Variants in PEX3 observed in about 807,000 individuals in gnomAD.
The protein encoded by PEX3 is peroxin-3.
In PEX3, 30 loss-of-function variants were observed where a neutral mutation model predicts 55.8. That is an observed-to-expected ratio of 0.54 (90% CI 0.40 to 0.73). The LOEUF (loss-of-function observed/expected upper bound fraction) is 0.73, where lower values mean the gene tolerates loss of function less well. PEX3 is among the 30% of genes least tolerant of loss of function. The pLI is 0.00. For missense variants in PEX3, 351 were observed against 432.8 expected (o/e 0.81, Z 1.68); for synonymous variants, 135 against 148.4 (o/e 0.91, Z 0.66).
intron 1 of PEX3, among the ~76,000 whole-genome samples, chr6:143,452,765 G>A (rs1457831744): frequency 6.6e-6 from 1 of 152,120 alleles, no homozygotes; most frequent in Non-Finnish European, 1.5e-5. Flanking sequence ...TTCTGCTTCA[G>A]GGAGAAAGTT....
At chr6:143,461,566 G>T (rs1224710167) in intron 2 of PEX3, among the ~76,000 whole-genome samples, 1 of 146,006 alleles carries the variant, frequency 6.8e-6, no homozygotes, top group East Asian at 2.0e-4. Flanking sequence ...TGGATAAGAT[G>T]TAATTGATAT....
intron 8 of PEX3, among the ~76,000 whole-genome samples, chr6:143,472,696 T>C (rs1780091792): frequency 6.6e-6 from 1 of 152,170 alleles, no homozygotes; most frequent in African/African-American, 2.4e-5. Context: ...AACATAGAGC[T>C]GAAGGTCAGG....
intron 7 of PEX3, 24 bp from the exon 8 acceptor site, chr6:143,472,136 C>T (rs775605815): frequency 2.6e-6 from 4 of 1,530,004 alleles, no homozygotes; most frequent in Non-Finnish European, 3.6e-6. Context: ...CTATTTATCC[C>T]AATTCCCTTT....
chr6:143,471,600 G>A lies in PEX3; in HGVS notation c.567G>A (p.Lys189=). ...CTGTCATTAAACAAGCTGTGCAGAAGGTTTTAGGAAGGTAAGGCATTTTTC... is the reference window on the plus strand; with the variant it reads ...CTGTCATTAAACAAGCTGTGCAGAAAGTTTTAGGAAGGTAAGGCATTTTTC... The part of the protein sequence containing the change: ...LITVIKQAVQ[K]VLGSVSLKHS... The change falls in exon 7 of 12, where the codon AAG becomes AAA. Residue 189 remains lysine (K), a synonymous_variant. Coordinates refer to ENST00000367591, the MANE Select transcript of PEX3 (RefSeq NM_003630.3). The surrounding 1 kb of genome is among the most constrained non-coding windows in gnomAD (Gnocchi z 5.4). 1.9e-6 allele frequency: 3 copies of A among 1,612,060 alleles called. No individual in the cohort carries two copies. The highest frequency in any genetic ancestry group is 2.5e-6 in the Non-Finnish European group (3 of 1,178,524).
At position 143,451,083 on chromosome 6, in the gene PEX3, A is replaced by G. The variant is rs200233798; in HGVS notation, c.41A>G (p.Lys14Arg). Residue 14 changes from lysine to arginine, a missense_variant, in exon 1 of 12, where the codon AAG (lysine) becomes AGG (arginine). Coordinates refer to ENST00000367591, the MANE Select transcript of PEX3 (RefSeq NM_003630.3). The surrounding 1 kb of genome is among the most constrained non-coding windows in gnomAD (Gnocchi z 4.1). ...TGGAATTTTCTGAAACGCCACAAAA[A>G]GAAATGCATCTTCCTGGGCACGGTC... ...SVWNFLKRHK[K>R]KCIFLGTVLG... 6.2e-7 allele frequency: 1 copy of G among 1,613,878 alleles called. No homozygotes were observed. The highest frequency in any genetic ancestry group is 2.2e-5 in the East Asian group (1 of 44,870).
intron 1 of PEX3, among the ~76,000 whole-genome samples, chr6:143,455,221 C>T (rs977293732): frequency 2.0e-5 from 3 of 150,430 alleles, no homozygotes; most frequent in Middle Eastern, 3.5e-3. Context: ...GAGACGGAGT[C>T]TTGCTCTGTC....
Position 143,485,171 on chromosome 6 carries a change from C to T in PEX3, c.961C>T (p.Pro321Ser). 1 of 1,599,238 alleles carries T rather than the reference C, an allele frequency of 6.3e-7. No homozygotes were observed. The highest frequency in any genetic ancestry group is 8.6e-7 in the Non-Finnish European group (1 of 1,166,802). The change falls in exon 11 of 12, where the codon CCT (proline) becomes TCT (serine). Residue 321 changes from proline to serine, a missense_variant. Physicochemically the swap from Pro to Ser is moderately conservative, Grantham distance 74 (BLOSUM62 -1). Transcript: ENST00000367591. The surrounding 1 kb of genome is among the most constrained non-coding windows in gnomAD (Gnocchi z 5.6). ...SMNSLSSVSL[P>S]LAKIIPIVNG... ...TTTCAGTCTTTCCAGTGTCAGCCTGCCTTTAGCTAAGATAATTCCAATAGT... is the reference window on the plus strand; with the variant it reads ...TTTCAGTCTTTCCAGTGTCAGCCTGTCTTTAGCTAAGATAATTCCAATAGT...
In PEX3 at chr6:143,485,685, T is replaced by C. The variant is rs1196818714; in HGVS notation, c.1038+437T>C. 6.6e-6 allele frequency among the ~76,000 whole-genome samples: 1 copy of C among 152,112 alleles called. No individual in the cohort carries two copies. The highest frequency in any genetic ancestry group is 1.9e-4 in the East Asian group (1 of 5,192). On this transcript the variant is annotated intron_variant, in intron 11 of 11. Transcript: ENST00000367591. The surrounding 1 kb of genome is among the most constrained non-coding windows in gnomAD (Gnocchi z 5.6). ...AACAGTTAATAGTGCATCAATAATA[T>C]GCTCACTAAAAGCCACATAAACAGT... is the stretch of plus-strand genomic sequence containing the variant.
intron 3 of PEX3, among the ~76,000 whole-genome samples, chr6:143,467,461 C>T (rs1780007980): frequency 1.3e-5 from 2 of 152,144 alleles, no homozygotes; most frequent in South Asian, 2.1e-4. Context: ...GAACATTCTG[C>T]ATCGAAGGTT....
intron 1 of PEX3, among the ~76,000 whole-genome samples, chr6:143,457,859 A>G (rs779111357): frequency 4.6e-5 from 7 of 152,226 alleles, no homozygotes; most frequent in Non-Finnish European, 7.3e-5. Flanking sequence ...AAAATGCAAC[A>G]ATATTCTAGC....
intron 1 of PEX3, among the ~76,000 whole-genome samples, chr6:143,455,404 A>G (rs1233821307): frequency 9.4e-6 from 1 of 106,734 alleles, no homozygotes; most frequent in African/African-American, 3.8e-5. Flanking sequence ...TTTAGTAGAG[A>G]CGGGGTTTCA....
At chr6:143,455,786 G>A (rs1218034813) in intron 1 of PEX3, among the ~76,000 whole-genome samples, 1 of 152,204 alleles carries the variant, frequency 6.6e-6, no homozygotes, top group Admixed American at 6.5e-5. Context: ...AGTGGTGACA[G>A]TGATAAAGAA....
At position 143,471,402 on chromosome 6, in the gene PEX3, A is replaced by C. The variant is rs776843928; in HGVS notation, c.476A>C (p.Asp159Ala). 1.9e-6 allele frequency: 3 copies of C among 1,608,088 alleles called. No homozygotes were observed. The highest frequency in any genetic ancestry group is 2.6e-6 in the Non-Finnish European group (3 of 1,175,014). The change falls in exon 6 of 12, where the codon GAT (aspartate) becomes GCT (alanine). Residue 159 changes from aspartate to alanine, a missense_variant. Asp to Ala is a moderately radical substitution (Grantham distance 126). Coordinates refer to ENST00000367591, the MANE Select transcript of PEX3 (RefSeq NM_003630.3). The surrounding 1 kb of genome is among the most constrained non-coding windows in gnomAD (Gnocchi z 5.4). Reference protein sequence around the residue: ...KNGTTILAPPDVQQQYLSSIQ... With the variant: ...KNGTTILAPPAVQQQYLSSIQ... ...ATACAGACAATTCTTGCTCCCCCAG[A>C]TGTCCAACAGCAGTATTTATCAAGT... is the stretch of plus-strand genomic sequence containing the variant.
At position 143,464,753 on chromosome 6, in the gene PEX3, A is replaced by G. The variant is rs904227681; in HGVS notation, c.287+1756A>G. Among the ~76,000 whole-genome samples, 7 of 151,906 alleles carry G rather than the reference A, an allele frequency of 4.6e-5. No homozygotes were observed. Among genetic ancestry groups the G allele is most frequent in the African/African-American group, 1.7e-4 (7 of 41,436 alleles). On this transcript the variant is annotated intron_variant, in intron 3 of 11. Transcript: ENST00000367591. The surrounding 1 kb of genome is among the most constrained non-coding windows in gnomAD (Gnocchi z 5.8). ...ATCCATTTGAAAAATATTTGCATAAATAAGGGCTTGATCCCTTACAAAGTA... is the reference window on the plus strand; with the variant it reads ...ATCCATTTGAAAAATATTTGCATAAGTAAGGGCTTGATCCCTTACAAAGTA...
Position 143,484,900 on chromosome 6 carries a change from G to A in PEX3, c.942-252G>A, listed in dbSNP as rs182340985. 9.9e-4 allele frequency: 437 copies of A among 443,426 alleles called. 2 individuals are homozygous for A. The highest frequency in any genetic ancestry group is 3.0e-3 in the Admixed American group (81 of 27,204). The allele number at this position is 443,426 out of a possible 1,614,324, so 27.5% of individuals were successfully genotyped here. A position where few individuals can be genotyped will look rare whatever the true frequency, so the allele number is the denominator to read the frequency against. ...TCATAACAATAAAAATGCAAAAACA[G>A]TGTGCTTAGGAGGTTAGAGGTTTTT... On this transcript the variant is annotated intron_variant, in intron 10 of 11. Coordinates refer to ENST00000367591, the MANE Select transcript of PEX3 (RefSeq NM_003630.3).
Position 143,485,382 on chromosome 6 carries a change from A to C in PEX3, c.1038+134A>C, listed in dbSNP as rs1780304029. On this transcript the variant is annotated intron_variant, in intron 11 of 11. Transcript: ENST00000367591. The surrounding 1 kb of genome is among the most constrained non-coding windows in gnomAD (Gnocchi z 5.6). ...TCACAGAACTTGGAACTACATGTAG[A>C]GTATGGTAGAGTGTCCCATGAGAGT... The C allele has an allele frequency of 1.4e-6, 1 of 693,064 alleles. No individual in the cohort carries two copies. The highest frequency in any genetic ancestry group is 2.7e-6 in the Non-Finnish European group (1 of 376,582). The allele number at this position is 693,064 out of a possible 1,614,324, so 42.9% of individuals were successfully genotyped here.
At chr6:143,457,328 C>T (rs1388221815) in intron 1 of PEX3, among the ~76,000 whole-genome samples, 1 of 152,144 alleles carries the variant, frequency 6.6e-6, no homozygotes, top group Non-Finnish European at 1.5e-5. Context: ...AGCCATGTAG[C>T]CACTTATATG....
intron 10 of PEX3, among the ~76,000 whole-genome samples, chr6:143,484,042 C>A (rs1014517577): frequency 1.1e-4 from 17 of 152,038 alleles, no homozygotes; most frequent in Admixed American, 1.1e-3. Context: ...GCATAGCACA[C>A]TGGTTGTACA....
At chr6:143,478,378 T>C (rs1388947976) in intron 9 of PEX3, among the ~76,000 whole-genome samples, 1 of 152,076 alleles carries the variant, frequency 6.6e-6, no homozygotes, top group Non-Finnish European at 1.5e-5. Context: ...GCATTTAAAA[T>C]GGGTGAATTT....
Sources: allele counts gnomAD v4.1 joint callset (sites outside exome capture counted in the v4.1 genomes callset), GRCh38; gene constraint gnomAD v4.1.1; non-coding constraint Gnocchi (gnomAD v3.1); transcripts MANE v1.5; gene names NCBI Gene and HGNC (gene_info 2026-07-23, HGNC 2026-07-21).